The following GPC3 variants were observed in gnomAD, a reference collection of about 807,000 sequenced individuals.
The protein encoded by GPC3 is glypican 3.
GPC3 carries 3 observed loss-of-function variants against 34.4 expected under a neutral mutation model. That is an observed-to-expected ratio of 0.09 (90% confidence interval 0.04 to 0.23). The LOEUF is 0.23. Among genes scored for constraint, GPC3 ranks in the 10% least tolerant of loss-of-function variants. The pLI, the probability that GPC3 is intolerant of heterozygous loss-of-function variation, is 1.00. For synonymous variants in GPC3, 177 were observed against 174.0 expected (o/e 1.02, Z -0.13); for missense variants, 351 against 445.6 (o/e 0.79, Z 1.91).
intron 2 of GPC3, among the ~76,000 whole-genome samples, chrX:133,911,092 T>C (rs1247815849): frequency 8.9e-6 from 1 of 112,563 alleles, no homozygotes; most frequent in Admixed American, 9.4e-5. Flanking sequence ...ATATTTTACA[T>C]TTTAGCATAA....
At chrX:133,723,103 C>T (rs924612562) in intron 3 of GPC3, among the ~76,000 whole-genome samples, 1 of 111,964 alleles carries the variant, frequency 8.9e-6, no homozygotes, top group Non-Finnish European at 1.9e-5. Flanking sequence ...TGAGGTGACA[C>T]TATTTTGGCA....
intron 6 of GPC3, among the ~76,000 whole-genome samples, chrX:133,658,378 T>C (rs375581011): frequency 8.9e-6 from 1 of 112,274 alleles, no homozygotes; most frequent in South Asian, 3.8e-4. Flanking sequence ...TTTTATACCT[T>C]ATATAATTCC....
intron 6 of GPC3, among the ~76,000 whole-genome samples, chrX:133,617,805 T>G (rs926369267): frequency 8.1e-5 from 9 of 111,402 alleles, no homozygotes; most frequent in African/African-American, 2.6e-4. Context: ...ATTATTTTTA[T>G]AGCTACAGGG....
chrX:133,956,033 G>C (rs1305582474), intron 1 of GPC3, among the ~76,000 whole-genome samples: 1 of 111,357 alleles, frequency 9.0e-6, no homozygotes, highest in Non-Finnish European at 1.9e-5. Flanking sequence ...TGACATCACT[G>C]CTGGGGTCCA....
At chrX:133,700,185 A>G (rs1325824002) in intron 3 of GPC3, among the ~76,000 whole-genome samples, 157 bp from the exon 4 acceptor site, 1 of 112,174 alleles carries the variant, frequency 8.9e-6, no homozygotes, top group Non-Finnish European at 1.9e-5. Flanking sequence ...AAGACAAAGA[A>G]CCACTGGTGG....
intron 2 of GPC3, among the ~76,000 whole-genome samples, chrX:133,775,074 C>T (rs1407770180): frequency 4.5e-5 from 5 of 111,195 alleles, no homozygotes; most frequent in Non-Finnish European, 7.6e-5. Flanking sequence ...TCATAGCAGC[C>T]GTTAAGTCTG....
chrX:133,734,297 T>A (rs955891807), intron 3 of GPC3, among the ~76,000 whole-genome samples: 3 of 111,852 alleles, frequency 2.7e-5, no homozygotes, highest in African/African-American at 9.7e-5. Flanking sequence ...CCCATGATTA[T>A]CTCATCAGTT....
intron 2 of GPC3, among the ~76,000 whole-genome samples, chrX:133,786,221 A>C (rs2072099557): frequency 9.0e-6 from 1 of 111,415 alleles, no homozygotes; most frequent in South Asian, 3.8e-4. Flanking sequence ...GGCGAAACCT[A>C]TCTCTACTAA....
chrX:133,732,945 G>A (rs192611284), intron 3 of GPC3, among the ~76,000 whole-genome samples: 8 of 110,723 alleles, frequency 7.2e-5, no homozygotes, highest in Non-Finnish European at 1.3e-4. Flanking sequence ...GCTCACTGCA[G>A]CCTCGACCCC....
At chrX:133,819,505 A>G (rs1386644230) in intron 2 of GPC3, among the ~76,000 whole-genome samples, 1 of 110,992 alleles carries the variant, frequency 9.0e-6, no homozygotes, top group Non-Finnish European at 1.9e-5. Context: ...ATATGCTGTG[A>G]AGGAAACTTG....
chrX:133,676,626 A>G (rs776227756), intron 5 of GPC3, among the ~76,000 whole-genome samples: 85 of 112,444 alleles, frequency 7.6e-4, no homozygotes, highest in Admixed American at 3.1e-3. Context: ...CAAGTGGCCT[A>G]TTGTGTGAGG....
intron 2 of GPC3, among the ~76,000 whole-genome samples, chrX:133,892,474 AG>A (rs2076092321): frequency 9.0e-6 from 1 of 111,523 alleles, no homozygotes; most frequent in Non-Finnish European, 1.9e-5. Flanking sequence ...TACCTTCCTG[AG>A]ACCTTTAACC....
chrX:133,950,638 T>C (rs947974074), intron 2 of GPC3, among the ~76,000 whole-genome samples: 1 of 111,897 alleles, frequency 8.9e-6, no homozygotes, highest in African/African-American at 3.3e-5. Flanking sequence ...GGAAAAACAA[T>C]TGTGTCTCCT....
intron 1 of GPC3, among the ~76,000 whole-genome samples, chrX:133,965,436 G>A (rs1005418316): frequency 1.8e-5 from 2 of 110,680 alleles, no homozygotes; most frequent in African/African-American, 6.6e-5. Context: ...ACAGAGGAGA[G>A]ACACAAGAAG....
At chrX:133,675,296 C>A (rs920213020) in intron 5 of GPC3, among the ~76,000 whole-genome samples, 1 of 111,817 alleles carries the variant, frequency 8.9e-6, no homozygotes, top group Non-Finnish European at 1.9e-5. Flanking sequence ...TAGCCCTACC[C>A]AGATCCTGAG....
At chrX:133,543,130 CT>C (rs35085562) in intron 7 of GPC3, among the ~76,000 whole-genome samples, 2 of 109,028 alleles carry the variant, frequency 1.8e-5, no homozygotes, top group Non-Finnish European at 3.8e-5. Context: ...AACAATCTGC[CT>C]TTTTTTTTAG....
intron 6 of GPC3, among the ~76,000 whole-genome samples, chrX:133,619,490 T>A (rs1206699180): frequency 3.6e-5 from 4 of 112,073 alleles, no homozygotes; most frequent in Non-Finnish European, 7.5e-5. Context: ...TACAATGAAA[T>A]ACTATTCAGC....
chrX:133,538,608 T>C (rs1332409858), intron 7 of GPC3, among the ~76,000 whole-genome samples: 1 of 106,237 alleles, frequency 9.4e-6, no homozygotes, highest in Non-Finnish European at 1.9e-5. Flanking sequence ...TTAAATCCAG[T>C]TGTGTCTAAT....
intron 3 of GPC3, among the ~76,000 whole-genome samples, chrX:133,730,061 T>G (rs1462602701): frequency 1.8e-5 from 2 of 112,198 alleles, no homozygotes; most frequent in Non-Finnish European, 3.8e-5. Flanking sequence ...TAAAGACAAT[T>G]TCAATCAAGC....
Sources: gnomAD v4.1 joint callset for allele counts (sites outside exome capture counted in the v4.1 genomes callset) on GRCh38, gnomAD v4.1.1 for gene constraint, MANE v1.5 for transcripts, NCBI Gene and HGNC (gene_info 2026-07-23, HGNC 2026-07-21) for gene names.